Variants in LRRC7 observed in about 807,000 individuals in gnomAD.
LRRC7 encodes the protein leucine rich repeat containing 7.
A neutral mutation model predicts 175.7 loss-of-function variants in LRRC7; 23 were observed. The observed-to-expected ratio is 0.13, with a 90% CI of 0.09 to 0.19. LRRC7 has a LOEUF of 0.19. LRRC7 is among the 10% of genes least tolerant of loss of function. LRRC7 has a pLI of 1.00. For synonymous variants in LRRC7, 685 were observed against 680.9 expected (o/e 1.01, Z -0.09); for missense variants, 1,354 against 1,904.7 (o/e 0.71, Z 5.38).
intron 2 of LRRC7, among the ~76,000 whole-genome samples, chr1:69,707,315 T>G (rs546987358): frequency 1.4e-4 from 21 of 152,198 alleles, no homozygotes; most frequent in African/African-American, 4.6e-4. Context: ...TATTGACAGA[T>G]GGGAGTAGAA....
At chr1:70,044,418 T>TTA (rs1033883619) in intron 22 of LRRC7, among the ~76,000 whole-genome samples, 3 of 152,082 alleles carry the variant, frequency 2.0e-5, no homozygotes, top group Admixed American at 6.6e-5. Context: ...TATTTTGTGT[T>TTA]TATATATATG....
chr1:69,655,644 A>G (rs12023624), intron 1 of LRRC7, among the ~76,000 whole-genome samples: 15,012 of 152,116 alleles, frequency 0.099, 841 homozygotes, highest in African/African-American at 0.16. Flanking sequence ...TATGTACAAA[A>G]TTGGGGCTCT....
chr1:69,841,728 T>G (rs1681754075), intron 7 of LRRC7, among the ~76,000 whole-genome samples: 3 of 152,144 alleles, frequency 2.0e-5, no homozygotes, highest in Non-Finnish European at 4.4e-5. Flanking sequence ...TATTTCCAAT[T>G]GGTCACTGCG....
In LRRC7 at chr1:70,138,593, T is replaced by G. The variant is rs1440123942; in HGVS notation, c.*16706T>G. ...ATCATTTGTACAACCTCATAGAAAG[T>G]TGAGAGGATTAATCAAATTGTTTCA... On this transcript the variant is annotated 3_prime_UTR_variant, in exon 27 of 27. Transcript: ENST00000651989. The G allele has an allele frequency of 6.6e-6, 1 of 152,184 alleles. No individual in the cohort carries two copies. Among genetic ancestry groups the G allele is most frequent in the Non-Finnish European group, 1.5e-5 (1 of 68,032 alleles). 9.4% of individuals were successfully genotyped at this position (152,184 alleles called of 1,614,324 possible).
chr1:69,809,892 A>G (rs940322335), intron 4 of LRRC7, among the ~76,000 whole-genome samples: 4 of 152,170 alleles, frequency 2.6e-5, no homozygotes, highest in Non-Finnish European at 4.4e-5. Context: ...CACCACTCCT[A>G]TTCAACATAG....
intron 8 of LRRC7, among the ~76,000 whole-genome samples, chr1:69,948,255 C>T (rs528534936): frequency 6.6e-6 from 1 of 152,278 alleles, no homozygotes; most frequent in Admixed American, 6.5e-5. Flanking sequence ...GAGATTATTA[C>T]AGAATGACAT....
chr1:70,031,979 A>G (rs1044255070), intron 18 of LRRC7, among the ~76,000 whole-genome samples: 1 of 152,062 alleles, frequency 6.6e-6, no homozygotes, highest in Non-Finnish European at 1.5e-5. Context: ...TTGTATTTTT[A>G]GTAGAGACAG....
At chr1:69,897,900 C>G (rs546525841) in intron 7 of LRRC7, among the ~76,000 whole-genome samples, 1 of 152,132 alleles carries the variant, frequency 6.6e-6, no homozygotes, top group Non-Finnish European at 1.5e-5. Flanking sequence ...AAGAGAGTTT[C>G]TATATTACTT....
intron 3 of LRRC7, among the ~76,000 whole-genome samples, chr1:69,761,557 C>G (rs1292441089): frequency 6.6e-6 from 1 of 151,894 alleles, no homozygotes; most frequent in Non-Finnish European, 1.5e-5. Flanking sequence ...TGTATTGTGT[C>G]ATCTGGGATA....
intron 7 of LRRC7, among the ~76,000 whole-genome samples, chr1:69,872,526 A>G (rs1313295017): frequency 6.6e-6 from 1 of 152,070 alleles, no homozygotes; most frequent in Non-Finnish European, 1.5e-5. Context: ...TTAATTCCAA[A>G]TACCCATACT....
At chr1:69,605,880 G>A (rs1647471913) in intron 1 of LRRC7, among the ~76,000 whole-genome samples, 1 of 152,076 alleles carries the variant, frequency 6.6e-6, no homozygotes, top group African/African-American at 2.4e-5. Flanking sequence ...AGGACTCAAT[G>A]AGAGTTATGA....
intron 1 of LRRC7, among the ~76,000 whole-genome samples, chr1:69,648,234 T>C (rs943879046): frequency 6.6e-6 from 1 of 152,138 alleles, no homozygotes. Context: ...TTAGTGTCTG[T>C]CTCTTGGTAA....
intron 23 of LRRC7, among the ~76,000 whole-genome samples, chr1:70,060,363 A>G (rs1224452832): frequency 6.6e-6 from 1 of 152,132 alleles, no homozygotes; most frequent in Non-Finnish European, 1.5e-5. Context: ...ACAGTCACTG[A>G]AAAGTAAATT....
chr1:69,909,384 G>C (rs928170092), intron 7 of LRRC7, among the ~76,000 whole-genome samples: 3 of 152,098 alleles, frequency 2.0e-5, no homozygotes, highest in African/African-American at 7.2e-5. Flanking sequence ...TTTACATTTT[G>C]GCATGTTTTT....
At chr1:70,044,588 A>AT (rs879622221) in intron 22 of LRRC7, among the ~76,000 whole-genome samples, 11 of 152,058 alleles carry the variant, frequency 7.2e-5, no homozygotes, top group South Asian at 2.1e-4. Flanking sequence ...TCTTCAGCCC[A>AT]TTTTTTTGCA....
At chr1:69,688,302 A>G (rs1661427140) in intron 2 of LRRC7, among the ~76,000 whole-genome samples, 1 of 152,144 alleles carries the variant, frequency 6.6e-6, no homozygotes, top group Non-Finnish European at 1.5e-5. Context: ...TCAAGTCTGT[A>G]CTGAGTCCCC....
At chr1:70,105,285 C>A (rs1665067058) in intron 25 of LRRC7, among the ~76,000 whole-genome samples, 1 of 152,062 alleles carries the variant, frequency 6.6e-6, no homozygotes, top group Non-Finnish European at 1.5e-5. Flanking sequence ...GCTGAATTGG[C>A]CAACGCTGTT....
rs144400631 is a variant in LRRC7, at chr1:69,717,853, G to GGAAAGAAAGAAAGAAAGAAAGAAAGAAA, written c.100+39401_100+39402insAAGAAAGAAAGAAAGAAAGAAAGAAAGA. ...AAGAAAGAAAGAAAAAAGAAAGAAAGGAAAGAAAGAAAGAAAGAAAGAAAG... is the reference window on the plus strand; with the variant it reads ...AAGAAAGAAAGAAAAAAGAAAGAAAGGAAAGAAAGAAAGAAAGAAAGAAAGAAAGAAAGAAAGAAAGAAAGAAAGAAAG... On this transcript the variant is annotated intron_variant, in intron 2 of 26. Coordinates refer to ENST00000651989, the MANE Select transcript of LRRC7 (RefSeq NM_001370785.2). 5.8e-4 allele frequency among the ~76,000 whole-genome samples: 9 copies of GGAAAGAAAGAAAGAAAGAAAGAAAGAAA among 15,632 alleles called. 1 individual carries two copies. Among genetic ancestry groups the GGAAAGAAAGAAAGAAAGAAAGAAAGAAA allele is most frequent in the African/African-American group, 3.7e-3 (9 of 2,456 alleles). The allele number at this position is 15,632 out of a possible 152,430, so 10.3% of individuals were successfully genotyped here.
In LRRC7 at chr1:70,025,060, A is replaced by AT. The variant is rs1183795951; in HGVS notation, c.1794+1687dup. On this transcript the variant is annotated intron_variant, in intron 17 of 26. Coordinates refer to ENST00000651989, the MANE Select transcript of LRRC7 (RefSeq NM_001370785.2). ...CTGAGCTAAGTAACACTTGTGTAGC[A>AT]TAAGCACTGGAGTCAAAAGACCTAA... Among the ~76,000 whole-genome samples the AT allele has an allele frequency of 2.6e-5, 4 of 152,094 alleles. No homozygotes were observed. In the East Asian group the frequency reaches 5.8e-4, roughly 22 times the overall value.
Sources: allele counts gnomAD v4.1 joint callset (sites outside exome capture counted in the v4.1 genomes callset), GRCh38; gene constraint gnomAD v4.1.1; transcripts MANE v1.5; gene names NCBI Gene and HGNC (gene_info 2026-07-23, HGNC 2026-07-21).